The following SGCD variants were observed in gnomAD, a reference collection of about 807,000 sequenced individuals.
SGCD encodes the protein delta-sarcoglycan.
A neutral mutation model predicts 36.6 loss-of-function variants in SGCD; 18 were observed. The ratio of observed to expected loss-of-function variants is 0.49; its 90% CI spans 0.34 to 0.73. The LOEUF (loss-of-function observed/expected upper bound fraction) is 0.73. Ranked by LOEUF, SGCD falls within the 30% of genes least tolerant of loss-of-function variation. The probability of loss-of-function intolerance (pLI) is 0.01; values close to 1 mark genes in which losing one functional copy is unlikely to be tolerated. For missense variants in SGCD, 387 were observed against 346.7 expected, an observed-to-expected ratio of 1.12 and a Z score of -0.92; for synonymous variants, 133 against 130.6, an observed-to-expected ratio of 1.02 and a Z score of -0.12.
intron 1 of SGCD, among the ~76,000 whole-genome samples, chr5:155,996,158 A>G (rs1261508536): frequency 6.6e-6 from 1 of 152,080 alleles, no homozygotes; most frequent in Admixed American, 6.5e-5. Context: ...GTTCAGGTTC[A>G]GGTGCAGGTT....
chr5:156,596,498 G>C (rs1262154504), intron 6 of SGCD, among the ~76,000 whole-genome samples: 1 of 152,108 alleles, frequency 6.6e-6, no homozygotes, highest in African/African-American at 2.4e-5. Context: ...TAAGTGCTAG[G>C]TGTTATCATC....
intron 3 of SGCD, among the ~76,000 whole-genome samples, chr5:156,155,918 G>A (rs967359600): frequency 3.3e-5 from 5 of 151,724 alleles, no homozygotes; most frequent in Admixed American, 1.3e-4. Flanking sequence ...GAGATAAGAG[G>A]AAACAGAAGG....
intron 1 of SGCD, among the ~76,000 whole-genome samples, chr5:156,080,875 C>A (rs1263244548): frequency 1.3e-5 from 2 of 152,216 alleles, no homozygotes; most frequent in Non-Finnish European, 2.9e-5. Flanking sequence ...CCCCCAAACT[C>A]TTTCAATCTC....
In SGCD at chr5:156,652,947, A is replaced by G. The variant is rs190435562; in HGVS notation, c.575+5411A>G. ...TCCTTGCATCCCAGGAATAAAGGCT[A>G]TTTAATCATGGTAAATTAACTTTTT... is the stretch of plus-strand genomic sequence containing the variant. On this transcript the variant is annotated intron_variant, in intron 7 of 8. Transcript: ENST00000337851. Among the ~76,000 whole-genome samples, 763 of 152,258 alleles carry G rather than the reference A, an allele frequency of 5.0e-3. 7 individuals carry two copies. Among genetic ancestry groups the G allele is most frequent in the Middle Eastern group, 0.044 (13 of 294 alleles).
chr5:155,758,314 G>A, the SGCD span, among the ~76,000 whole-genome samples: 1 of 152,156 alleles, frequency 6.6e-6, no homozygotes, highest in African/African-American at 2.4e-5. Flanking sequence ...TTTCCTGATT[G>A]GTGTTAGCTC....
chr5:156,006,376 C>CT (rs1758761341), intron 1 of SGCD, among the ~76,000 whole-genome samples: 1 of 151,936 alleles, frequency 6.6e-6, no homozygotes, highest in African/African-American at 2.4e-5. Context: ...AGTCAAAAGC[C>CT]TTTTTTTATT....
At chr5:156,202,959 G>T (rs12518317) in intron 3 of SGCD, among the ~76,000 whole-genome samples, 2 of 152,012 alleles carry the variant, frequency 1.3e-5, no homozygotes, top group East Asian at 1.9e-4. Context: ...GCAAGTTTGA[G>T]AAATACAGGT....
At chr5:155,830,320 TC>T in the SGCD span, among the ~76,000 whole-genome samples, 2 of 148,656 alleles carry the variant, frequency 1.3e-5, no homozygotes, top group African/African-American at 5.1e-5. Flanking sequence ...ACAAGGTCTT[TC>T]TCCGTGTGTA....
At chr5:156,146,111 G>A (rs534306372) in intron 3 of SGCD, among the ~76,000 whole-genome samples, 3 of 152,274 alleles carry the variant, frequency 2.0e-5, no homozygotes, top group African/African-American at 7.2e-5. Flanking sequence ...TACTCGGGAG[G>A]CTGAGACAGG....
At chr5:155,890,350 G>T (rs577165988) in intron 1 of SGCD, among the ~76,000 whole-genome samples, 10 of 152,304 alleles carry the variant, frequency 6.6e-5, no homozygotes, top group African/African-American at 2.4e-4. Context: ...TTGGCTGGGT[G>T]TGATGGCTCA....
At chr5:156,542,291 T>C (rs1389938184) in intron 4 of SGCD, among the ~76,000 whole-genome samples, 1 of 152,152 alleles carries the variant, frequency 6.6e-6, no homozygotes, top group African/African-American at 2.4e-5. Flanking sequence ...GCACACTATT[T>C]TCCAGATTTA....
rs1457787992 is a variant in SGCD, at chr5:156,764,343, A to G, written c.*4953A>G. On this transcript the variant is annotated 3_prime_UTR_variant, in exon 9 of 9. Coordinates refer to ENST00000337851, the MANE Select transcript of SGCD (RefSeq NM_000337.6). Reference sequence around the variant, plus strand: ...TGGTAATCGGAATTTAAAATTATACAGTTGCCTCTGAATTTCTCATGCACA... The same window carrying G: ...TGGTAATCGGAATTTAAAATTATACGGTTGCCTCTGAATTTCTCATGCACA... 1 of 152,630 alleles carries G rather than the reference A, an allele frequency of 6.6e-6. No homozygotes were observed. The highest frequency in any genetic ancestry group is 1.5e-5 in the Non-Finnish European group (1 of 68,050). 9.5% of individuals were successfully genotyped at this position (152,630 alleles called of 1,614,324 possible). A position where few individuals can be genotyped will look rare whatever the true frequency, so the allele number is the denominator to read the frequency against.
the SGCD span, among the ~76,000 whole-genome samples, chr5:155,792,542 C>T: frequency 6.7e-6 from 1 of 149,516 alleles, no homozygotes; most frequent in African/African-American, 2.5e-5. Context: ...CTACAAGGAA[C>T]TTAAACAAAT....
chr5:156,205,058 T>C (rs942724736), intron 3 of SGCD, among the ~76,000 whole-genome samples: 1 of 152,108 alleles, frequency 6.6e-6, no homozygotes, highest in Non-Finnish European at 1.5e-5. Context: ...TTTTCTATAA[T>C]AGCATATAGA....
At chr5:156,221,518 T>C (rs997991996) in intron 3 of SGCD, among the ~76,000 whole-genome samples, 3 of 152,024 alleles carry the variant, frequency 2.0e-5, no homozygotes, top group East Asian at 1.9e-4. Flanking sequence ...ATATGGAGAA[T>C]AGCACCTACC....
the SGCD span, among the ~76,000 whole-genome samples, chr5:155,813,205 A>G: frequency 6.6e-6 from 1 of 152,040 alleles, no homozygotes; most frequent in East Asian, 1.9e-4. Context: ...ATGGGATGCT[A>G]TGTAGCAAGC....
intron 1 of SGCD, among the ~76,000 whole-genome samples, chr5:155,953,971 A>G (rs1308155418): frequency 6.6e-6 from 1 of 152,176 alleles, no homozygotes; most frequent in Non-Finnish European, 1.5e-5. Flanking sequence ...CCGCTGCCTC[A>G]CTGACTAGCT....
the SGCD span, among the ~76,000 whole-genome samples, chr5:155,793,117 G>T: frequency 0.017 from 2,531 of 152,256 alleles, 78 homozygotes; most frequent in African/African-American, 0.057. Flanking sequence ...CAGGAATGCA[G>T]CTGGAGGCCA....
chr5:155,732,917 A>C, the SGCD span, among the ~76,000 whole-genome samples: 1 of 152,276 alleles, frequency 6.6e-6, no homozygotes, highest in East Asian at 1.9e-4. Context: ...TGCGTGTTGC[A>C]GCCCACTGAT....
Sources: allele counts gnomAD v4.1 joint callset (sites outside exome capture counted in the v4.1 genomes callset), GRCh38; gene constraint gnomAD v4.1.1; transcripts MANE v1.5; gene names NCBI Gene and HGNC (gene_info 2026-07-23, HGNC 2026-07-21).